STK32B: variants seen among roughly 807,000 people sequenced by gnomAD.
STK32B encodes serine/threonine-protein kinase 32B.
In STK32B, 43 loss-of-function variants were observed where a neutral mutation model predicts 52.6. That is an observed-to-expected ratio of 0.82 (90% CI 0.64 to 1.05). The LOEUF is 1.05. STK32B is among the 50% of genes least tolerant of loss of function. The pLI is 0.00. For missense variants in STK32B, 621 were observed against 534.6 expected, an observed-to-expected ratio of 1.16 and a Z score of -1.59; for synonymous variants, 238 against 204.3, an observed-to-expected ratio of 1.17 and a Z score of -1.41.
At chr4:5,420,717 A>G (rs981026894) in intron 6 of STK32B, among the ~76,000 whole-genome samples, 5 of 152,120 alleles carry the variant, frequency 3.3e-5, no homozygotes, top group African/African-American at 9.7e-5. Flanking sequence ...TGAGGGGGAC[A>G]TCCCACAGGG....
At chr4:5,032,476 C>CAAAAAAAAAAAAAAAAAA in the STK32B span, among the ~76,000 whole-genome samples, 17 of 49,686 alleles carry the variant, frequency 3.4e-4, no homozygotes, top group Non-Finnish European at 3.9e-4. Flanking sequence ...GACTCCATCT[C>CAAAAAAAAAAAAAAAAAA]AAAAAAAAAA....
Position 5,396,340 on chromosome 4 carries a change from T to TCCTAA in STK32B, c.435-1865_435-1864insTAACC, listed in dbSNP as rs541322994. Among the ~76,000 whole-genome samples the TCCTAA allele has an allele frequency of 1.1e-3, 165 of 152,076 alleles. No individual in the cohort carries two copies. Among genetic ancestry groups the TCCTAA allele is most frequent in the African/African-American group, 3.5e-3 (146 of 41,512 alleles). On this transcript the variant is annotated intron_variant, in intron 4 of 11. Transcript: ENST00000282908. The surrounding 1 kb of genome is among the most constrained non-coding windows in gnomAD (Gnocchi z 4.7). Reference sequence around the variant, plus strand: ...CTTCTCTCCTGTGCCTGCATCCAAATCCCTCCCCCTACTTTCCTCCTATAA... The same window carrying TCCTAA: ...CTTCTCTCCTGTGCCTGCATCCAAATCCTAACCCTCCCCCTACTTTCCTCCTATAA...
chr4:5,093,363 T>C (rs1713200929), intron 1 of STK32B, among the ~76,000 whole-genome samples: 1 of 152,318 alleles, frequency 6.6e-6, no homozygotes, highest in South Asian at 2.1e-4. Flanking sequence ...TGAAACTTAG[T>C]ATATATTGTA....
intron 4 of STK32B, among the ~76,000 whole-genome samples, chr4:5,393,704 C>G (rs996205214): frequency 6.6e-6 from 1 of 152,104 alleles, no homozygotes; most frequent in African/African-American, 2.4e-5. Context: ...GGAGAAACCA[C>G]CCCCATGATC....
chr4:5,391,140 T>A (rs1351341870), intron 4 of STK32B, among the ~76,000 whole-genome samples: 4 of 151,958 alleles, frequency 2.6e-5, no homozygotes, highest in Non-Finnish European at 4.4e-5. Flanking sequence ...TTTGTATTTT[T>A]AGTAGAGATG....
At chr4:5,360,764 C>A (rs1299262473) in intron 4 of STK32B, among the ~76,000 whole-genome samples, 3 of 152,144 alleles carry the variant, frequency 2.0e-5, no homozygotes, top group Admixed American at 2.0e-4. Context: ...CGAGATTGTG[C>A]CATTGCACTC....
In STK32B at chr4:5,396,720, T is replaced by C; in HGVS notation, c.435-1487T>C. ...TACCTTAAGAGATAAGCTTGAACAT[T>C]TGCTGCTGTGTTTTCATTCTTGACA... On this transcript the variant is annotated intron_variant, in intron 4 of 11. Coordinates refer to ENST00000282908, the MANE Select transcript of STK32B (RefSeq NM_018401.3). This position sits in a 1 kb window ranked among gnomAD's most constrained non-coding sequence, Gnocchi z 4.7. Among the ~76,000 whole-genome samples the C allele has an allele frequency of 1.3e-5, 2 of 152,224 alleles. 1 individual carries two copies. The highest frequency in any genetic ancestry group is 2.9e-5 in the Non-Finnish European group (2 of 68,034).
intron 1 of STK32B, among the ~76,000 whole-genome samples, chr4:5,069,261 C>T (rs551015767): frequency 2.7e-5 from 4 of 148,036 alleles, no homozygotes; most frequent in East Asian, 2.0e-4. Context: ...GGCACAATCT[C>T]GGCTCACTGC....
chr4:5,147,902 G>C lies in STK32B; in HGVS notation c.108+7942G>C, dbSNP rs376439975. Among the ~76,000 whole-genome samples the C allele has an allele frequency of 4.6e-5, 7 of 151,740 alleles. No individual in the cohort carries two copies. The South Asian group carries it at 1.5e-3, about 32-fold the overall frequency. The stretch of plus-strand genomic sequence containing the variant: ...ATATCTTCATCAAATTTGTTTTCAG[G>C]GTTATAGTAGTCTCAAAAATGAGTT... On this transcript the variant is annotated intron_variant, in intron 2 of 11. Transcript: ENST00000282908.
chr4:5,460,982 G>A lies in STK32B; in HGVS notation c.909+754G>A, dbSNP rs1424533478. 2.0e-5 allele frequency among the ~76,000 whole-genome samples: 3 copies of A among 152,170 alleles called. No individual in the cohort carries two copies. Among genetic ancestry groups the A allele is most frequent in the Non-Finnish European group, 2.9e-5 (2 of 68,026 alleles). On this transcript the variant is annotated intron_variant, in intron 9 of 11. Coordinates refer to ENST00000282908, the MANE Select transcript of STK32B (RefSeq NM_018401.3). The surrounding 1 kb of genome is among the most constrained non-coding windows in gnomAD (Gnocchi z 4.8). Reference sequence around the variant, plus strand: ...ATTTACATTTTAAAGGAGGGTTCTGGCAGGAGCTGGAGGCTCCTGGGTCCT... The same window carrying A: ...ATTTACATTTTAAAGGAGGGTTCTGACAGGAGCTGGAGGCTCCTGGGTCCT...
chr4:5,280,516 C>G (rs1048695352), intron 3 of STK32B, among the ~76,000 whole-genome samples: 1 of 152,190 alleles, frequency 6.6e-6, no homozygotes, highest in Admixed American at 6.5e-5. Flanking sequence ...TCCAAACCTG[C>G]TTGCACATTC....
intron 5 of STK32B, among the ~76,000 whole-genome samples, chr4:5,402,182 CAGAG>C (rs1294439381): frequency 1.3e-5 from 2 of 152,218 alleles, no homozygotes; most frequent in Non-Finnish European, 2.9e-5. Flanking sequence ...AACCTAGAGT[CAGAG>C]AGACTAGACA....
At chr4:5,174,357 G>C (rs1577141566) in intron 3 of STK32B, among the ~76,000 whole-genome samples, 1 of 152,110 alleles carries the variant, frequency 6.6e-6, no homozygotes, top group Non-Finnish European at 1.5e-5. Flanking sequence ...ATGTTAGCTG[G>C]TTATTTTGCT....
intron 1 of STK32B, among the ~76,000 whole-genome samples, chr4:5,083,850 C>T (rs1712571382): frequency 6.6e-6 from 1 of 151,880 alleles, no homozygotes. Context: ...AATTGTGCTG[C>T]GTTGGCCTCC....
At chr4:5,236,600 TAC>T (rs968961487) in intron 3 of STK32B, among the ~76,000 whole-genome samples, 2 of 152,210 alleles carry the variant, frequency 1.3e-5, no homozygotes, top group Non-Finnish European at 2.9e-5. Context: ...GTATATAAAG[TAC>T]ACACAGCACC....
At chr4:5,439,640 G>T (rs1714509212) in intron 6 of STK32B, among the ~76,000 whole-genome samples, 2 of 152,044 alleles carry the variant, frequency 1.3e-5, no homozygotes, top group South Asian at 4.1e-4. Context: ...GGCTTTTGTT[G>T]CCATTGCTTT....
chr4:5,406,766 G>C (rs1737710258), intron 5 of STK32B, among the ~76,000 whole-genome samples: 1 of 152,160 alleles, frequency 6.6e-6, no homozygotes, highest in African/African-American at 2.4e-5. Flanking sequence ...CAGAGCCCTG[G>C]ACCTGGCAGC....
chr4:5,074,045 C>A (rs1711931673), intron 1 of STK32B, among the ~76,000 whole-genome samples: 1 of 151,804 alleles, frequency 6.6e-6, no homozygotes, highest in South Asian at 2.1e-4. Flanking sequence ...CTATTTTCTA[C>A]CACATTCTCT....
intron 1 of STK32B, among the ~76,000 whole-genome samples, chr4:5,084,030 C>A (rs928709409): frequency 6.6e-6 from 1 of 152,212 alleles, no homozygotes; most frequent in Non-Finnish European, 1.5e-5. Context: ...AGCCACCATG[C>A]CCAGTCTGTT....
Sources: gnomAD v4.1 joint callset for allele counts (sites outside exome capture counted in the v4.1 genomes callset) on GRCh38, gnomAD v4.1.1 for gene constraint, Gnocchi (gnomAD v3.1) non-coding constraint, MANE v1.5 for transcripts, NCBI Gene and HGNC (gene_info 2026-07-23, HGNC 2026-07-21) for gene names.